Variants in NUSAP1 observed in about 807,000 individuals in gnomAD.
The protein encoded by NUSAP1 is nucleolar and spindle associated protein 1.
In NUSAP1, 32 loss-of-function variants were observed where a neutral mutation model predicts 52.8. That is an observed-to-expected ratio of 0.61 (90% CI 0.46 to 0.81). The LOEUF (loss-of-function observed/expected upper bound fraction) is 0.81. NUSAP1 is among the 40% of genes least tolerant of loss of function. The pLI is 0.00. For missense variants in NUSAP1, 499 were observed against 522.3 expected (o/e 0.96, Z 0.43); for synonymous variants, 195 against 183.1 (o/e 1.06, Z -0.52).
intron 2 of NUSAP1, chr15:41,345,687 A>G (rs765774297): frequency 1.9e-4 from 48 of 250,088 alleles, no homozygotes; most frequent in Non-Finnish European, 3.0e-4. Context: ...CAAACTCCCA[A>G]CCTCAGGTGA....
intron 7 of NUSAP1, 53 bp from the exon 8 acceptor site, chr15:41,371,474 A>C: frequency 2.1e-6 from 3 of 1,453,042 alleles, no homozygotes; most frequent in Non-Finnish European, 2.8e-6. Flanking sequence ...TAAGCTAGAC[A>C]CAAGTTACTC....
At chr15:41,379,138 G>A (rs12900788) in intron 10 of NUSAP1, among the ~76,000 whole-genome samples, 3 of 151,694 alleles carry the variant, frequency 2.0e-5, no homozygotes, top group South Asian at 2.1e-4. Context: ...ATTTTTAGTA[G>A]AGACGGGGTT....
chr15:41,335,384 T>G (rs2048081262), intron 1 of NUSAP1, among the ~76,000 whole-genome samples: 1 of 142,398 alleles, frequency 7.0e-6, no homozygotes, highest in Non-Finnish European at 1.5e-5. Context: ...AAATATACTA[T>G]ATATACTAAA....
chr15:41,365,211 G>A (rs904153533), intron 6 of NUSAP1, among the ~76,000 whole-genome samples, 191 bp from the exon 7 acceptor site: 1 of 152,036 alleles, frequency 6.6e-6, no homozygotes, highest in Non-Finnish European at 1.5e-5. Context: ...TCTGTTGCCA[G>A]GCTGGTGTGA....
intron 3 of NUSAP1, among the ~76,000 whole-genome samples, chr15:41,349,680 G>A (rs749268717): frequency 4.6e-5 from 7 of 151,672 alleles, no homozygotes; most frequent in South Asian, 2.1e-4. Flanking sequence ...CTTGCTTTCC[G>A]TAGACTCTGG....
intron 7 of NUSAP1, among the ~76,000 whole-genome samples, chr15:41,371,306 A>G (rs144544536): frequency 6.6e-5 from 10 of 152,322 alleles, no homozygotes; most frequent in African/African-American, 2.4e-4. Flanking sequence ...AGCAGAAAAG[A>G]CAAGAACATA....
At chr15:41,337,081 AT>A (rs1181016907) in intron 1 of NUSAP1, among the ~76,000 whole-genome samples, 1 of 142,116 alleles carries the variant, frequency 7.0e-6, no homozygotes, top group Non-Finnish European at 1.5e-5. Flanking sequence ...CAGTGGCACA[AT>A]CAGGACTCAC....
At chr15:41,361,803 T>G (rs1424991414) in intron 6 of NUSAP1, among the ~76,000 whole-genome samples, 1 of 152,264 alleles carries the variant, frequency 6.6e-6, no homozygotes, top group East Asian at 1.9e-4. Flanking sequence ...TTTAAGGAAC[T>G]GGCCTATCAG....
chr15:41,347,808 C>T lies in NUSAP1; in HGVS notation c.163-1290C>T, dbSNP rs529396165. On this transcript the variant is annotated intron_variant, in intron 2 of 10. Transcript: ENST00000559596. Reference sequence around the variant, plus strand: ...CAGCCTGGGCAACAGAGTGAGACTCCGTCTCAAAAAAAAAAAAAAAAGAAA... The same window carrying T: ...CAGCCTGGGCAACAGAGTGAGACTCTGTCTCAAAAAAAAAAAAAAAAGAAA... Among the ~76,000 whole-genome samples the T allele has an allele frequency of 2.8e-3, 386 of 140,036 alleles. 2 individuals carry two copies. Among genetic ancestry groups the T allele is most frequent in the South Asian group, 6.4e-3 (29 of 4,550 alleles). The allele number at this position is 140,036 out of a possible 152,430, so 91.9% of individuals were successfully genotyped here.
Position 41,332,994 on chromosome 15 carries a change from A to G in NUSAP1, c.37A>G (p.Lys13Glu), listed in dbSNP as rs951975820. 1.4e-5 allele frequency: 23 copies of G among 1,612,184 alleles called. No individual in the cohort carries two copies. Among genetic ancestry groups the G allele is most frequent in the Non-Finnish European group, 2.0e-5 (23 of 1,179,140 alleles). The part of the protein sequence containing the change: ...IPSLEELDSL[K>E]YSDLQNLAKS... ...CTCTCTAGAGGAGCTGGACTCCCTC[A>G]AGTACAGTGACCTGCAGAACTTAGC... Residue 13 changes from lysine (K) to glutamate (E), a missense_variant, in exon 1 of 11, where the codon AAG (lysine) becomes GAG (glutamate). Lys to Glu is a moderately conservative substitution (Grantham distance 56, BLOSUM62 1). Coordinates refer to ENST00000559596, the MANE Select transcript of NUSAP1 (RefSeq NM_016359.5).
At chr15:41,346,676 A>T (rs923507577) in intron 2 of NUSAP1, among the ~76,000 whole-genome samples, 1 of 151,462 alleles carries the variant, frequency 6.6e-6, no homozygotes, top group African/African-American at 2.4e-5. Flanking sequence ...AAAATACAAA[A>T]ATTAGCCGGG....
At chr15:41,363,740 CAT>C (rs2049278903) in intron 6 of NUSAP1, among the ~76,000 whole-genome samples, 1 of 152,104 alleles carries the variant, frequency 6.6e-6, no homozygotes, top group African/African-American at 2.4e-5. Context: ...TTTCAATTGT[CAT>C]ATCTCAGTTG....
At chr15:41,363,184 T>C (rs2049248130) in intron 6 of NUSAP1, among the ~76,000 whole-genome samples, 1 of 149,872 alleles carries the variant, frequency 6.7e-6, no homozygotes, top group Non-Finnish European at 1.5e-5. Context: ...CTGCTCTGGG[T>C]GCTGACCAGG....
rs540513724 is a variant in NUSAP1 at position 41,342,303 on chromosome 15, GAAT to G, written c.94-81_94-79del. On this transcript the variant is annotated intron_variant, in intron 1 of 10. Transcript: ENST00000559596. ...ATGGTCTGACCAGAGTACATTTAAT[GAAT>G]ACAAGAACAGCAAAAAATATTCAAC... The G allele has an allele frequency of 3.9e-4, 347 of 899,804 alleles. 2 individuals carry two copies. In the African/African-American group the frequency reaches 5.5e-3, roughly 14 times the overall value. 55.7% of individuals were successfully genotyped at this position (899,804 alleles called of 1,614,324 possible). A position where few individuals can be genotyped will look rare whatever the true frequency, so the allele number is the denominator to read the frequency against.
chr15:41,361,640 G>A (rs903693004), intron 6 of NUSAP1, among the ~76,000 whole-genome samples: 25 of 152,280 alleles, frequency 1.6e-4, no homozygotes, highest in African/African-American at 6.0e-4. Flanking sequence ...TAAGGACAGA[G>A]CAAGAACGAC....
intron 1 of NUSAP1, among the ~76,000 whole-genome samples, chr15:41,335,620 A>G (rs1014471785): frequency 7.2e-6 from 1 of 139,030 alleles, no homozygotes; most frequent in African/African-American, 2.6e-5. Flanking sequence ...TTAATATACT[A>G]TATACTAAAT....
At chr15:41,336,657 T>TTTTTTG (rs2048156769) in intron 1 of NUSAP1, among the ~76,000 whole-genome samples, 1 of 92,672 alleles carries the variant, frequency 1.1e-5, no homozygotes, top group Non-Finnish European at 2.6e-5. Flanking sequence ...GGTTTTTTTT[T>TTTTTTG]TTTTTTTTTT....
chr15:41,346,799 C>G (rs1472695382), intron 2 of NUSAP1, among the ~76,000 whole-genome samples: 1 of 151,044 alleles, frequency 6.6e-6, no homozygotes, highest in Non-Finnish European at 1.5e-5. Flanking sequence ...TGCACTCCAT[C>G]CTGGGCAACA....
At chr15:41,358,408 C>A in intron 6 of NUSAP1, 150 bp downstream of exon 6, 2 of 551,950 alleles carry the variant, frequency 3.6e-6, no homozygotes, top group Non-Finnish European at 6.5e-6. Context: ...TTGCTTTCCC[C>A]TACCCTGAGA....
Sources: gnomAD v4.1 joint callset for allele counts (sites outside exome capture counted in the v4.1 genomes callset) on GRCh38, gnomAD v4.1.1 for gene constraint, MANE v1.5 for transcripts, NCBI Gene and HGNC (gene_info 2026-07-23, HGNC 2026-07-21) for gene names.